SSBP2: variants seen among roughly 807,000 people sequenced by gnomAD.
The protein encoded by SSBP2 is single-stranded DNA-binding protein 2.
SSBP2 carries 17 observed loss-of-function variants against 61.8 expected under a neutral mutation model. That is an observed-to-expected ratio of 0.28 (90% CI 0.19 to 0.41). The LOEUF (loss-of-function observed/expected upper bound fraction) is 0.41, where lower values mean the gene tolerates loss of function less well. SSBP2 is among the 10% of genes least tolerant of loss of function. The pLI is 1.00. For missense variants in SSBP2, 310 were observed against 458.7 expected (o/e 0.68, Z 2.96); for synonymous variants, 139 against 141.3 (o/e 0.98, Z 0.12).
At chr5:81,518,853 TGGA>T (rs1356913547) in intron 4 of SSBP2, among the ~76,000 whole-genome samples, 2 of 152,160 alleles carry the variant, frequency 1.3e-5, no homozygotes, top group Non-Finnish European at 1.5e-5. Flanking sequence ...TTTTCATTTT[TGGA>T]GTAGTATTAT....
chr5:81,685,031 G>A (rs899016534), intron 1 of SSBP2, among the ~76,000 whole-genome samples: 1 of 152,024 alleles, frequency 6.6e-6, no homozygotes, highest in African/African-American at 2.4e-5. Flanking sequence ...TCTTGTGATA[G>A]TGAGTTCTCA....
chr5:81,667,636 C>T (rs1450850650), intron 1 of SSBP2, among the ~76,000 whole-genome samples: 1 of 151,922 alleles, frequency 6.6e-6, no homozygotes, highest in Non-Finnish European at 1.5e-5. Flanking sequence ...AGTATCATTA[C>T]TGTAAAGATA....
chr5:81,511,728 A>G (rs1768625201), intron 5 of SSBP2, among the ~76,000 whole-genome samples: 1 of 152,196 alleles, frequency 6.6e-6, no homozygotes, highest in Admixed American at 6.5e-5. Context: ...GTTACAACAC[A>G]TATTTCACTG....
chr5:81,566,587 C>CA (rs1387298627), intron 4 of SSBP2, among the ~76,000 whole-genome samples: 1 of 152,116 alleles, frequency 6.6e-6, no homozygotes, highest in African/African-American at 2.4e-5. Context: ...TTATCAGCAG[C>CA]ATGAAAACTA....
At chr5:81,652,205 C>G (rs1279826023) in intron 1 of SSBP2, among the ~76,000 whole-genome samples, 38 of 152,160 alleles carry the variant, frequency 2.5e-4, no homozygotes, top group Admixed American at 2.3e-3. Context: ...GGCCAGGGTA[C>G]ATCTGTGGCT....
intron 2 of SSBP2, among the ~76,000 whole-genome samples, chr5:81,649,286 A>G (rs1581249127): frequency 6.6e-6 from 1 of 152,262 alleles, no homozygotes; most frequent in Middle Eastern, 3.4e-3. Flanking sequence ...TGCCTGGCAC[A>G]TAACAGAGCT....
At chr5:81,585,425 A>G (rs1206777088) in intron 4 of SSBP2, among the ~76,000 whole-genome samples, 1 of 152,112 alleles carries the variant, frequency 6.6e-6, no homozygotes, top group East Asian at 1.9e-4. Context: ...CTAAAATTTC[A>G]TTTGCAAATC....
chr5:81,556,389 C>G (rs1561536366), intron 4 of SSBP2, among the ~76,000 whole-genome samples: 1 of 152,090 alleles, frequency 6.6e-6, no homozygotes, highest in Non-Finnish European at 1.5e-5. Context: ...GAAGGAGTCT[C>G]TTCCCTCTCC....
chr5:81,638,478 C>G (rs559240644), intron 2 of SSBP2, among the ~76,000 whole-genome samples: 2 of 151,568 alleles, frequency 1.3e-5, no homozygotes, highest in East Asian at 3.9e-4. Context: ...AGCTAAGATC[C>G]CACCACTGCA....
intron 1 of SSBP2, among the ~76,000 whole-genome samples, chr5:81,673,041 T>C (rs999488091): frequency 2.0e-5 from 3 of 152,172 alleles, no homozygotes; most frequent in Admixed American, 1.3e-4. Flanking sequence ...TTTTGCCATG[T>C]TGGCCAGGCT....
Position 81,416,061 on chromosome 5 carries a change from A to G in SSBP2, c.*4443T>C, listed in dbSNP as rs13175180. 3 of 151,674 alleles carry G rather than the reference A, an allele frequency of 2.0e-5. No homozygotes were observed. The highest frequency in any genetic ancestry group is 7.3e-5 in the African/African-American group (3 of 41,198). 9.4% of individuals were successfully genotyped at this position (151,674 alleles called of 1,614,324 possible). ...AACATGGTGAAACCCTGCCTCTACT[A>G]AAAATACAAAAATTAGCCTGTGACG... On this transcript the variant is annotated 3_prime_UTR_variant, in exon 17 of 17. Transcript: ENST00000320672.
Position 81,448,851 on chromosome 5 carries a change from T to G in SSBP2, c.688-26A>C, listed in dbSNP as rs764266564. The G allele has an allele frequency of 1.2e-5, 20 of 1,601,230 alleles. No individual in the cohort carries two copies. The Admixed American group carries it at 3.4e-4, about 27-fold the overall frequency. On this transcript the variant is annotated intron_variant, in intron 10 of 16. Transcript: ENST00000320672. Reference sequence around the variant, plus strand: ...CTGGAACACGAATAGGACAAAAAAATTTTTGATTCATGTAGCAATATGGAC... The same window carrying G: ...CTGGAACACGAATAGGACAAAAAAAGTTTTGATTCATGTAGCAATATGGAC...
chr5:81,505,631 C>T (rs1264710394), intron 5 of SSBP2, among the ~76,000 whole-genome samples: 3 of 151,982 alleles, frequency 2.0e-5, no homozygotes, highest in Non-Finnish European at 2.9e-5. Context: ...CTACAGCACT[C>T]GGAAGAATTT....
intron 1 of SSBP2, among the ~76,000 whole-genome samples, chr5:81,675,092 A>G (rs1306003241): frequency 3.9e-5 from 6 of 152,176 alleles, no homozygotes; most frequent in Non-Finnish European, 8.8e-5. Flanking sequence ...AAAAGCACAG[A>G]GCCTTAATAA....
chr5:81,573,007 A>C (rs1446760324), intron 4 of SSBP2, among the ~76,000 whole-genome samples: 9 of 152,204 alleles, frequency 5.9e-5, no homozygotes, highest in Non-Finnish European at 7.3e-5. Flanking sequence ...TAATATGGTT[A>C]CTTTAAAAAG....
At chr5:81,607,411 T>C (rs1395637461) in intron 4 of SSBP2, among the ~76,000 whole-genome samples, 1 of 152,158 alleles carries the variant, frequency 6.6e-6, no homozygotes, top group Non-Finnish European at 1.5e-5. Context: ...AAATATTTAT[T>C]GAGTGCCAAT....
intron 4 of SSBP2, among the ~76,000 whole-genome samples, chr5:81,572,422 C>T (rs193069338): frequency 6.6e-6 from 1 of 152,036 alleles, no homozygotes; most frequent in East Asian, 1.9e-4. Flanking sequence ...AAAGGCATGC[C>T]AAAAAACATT....
chr5:81,664,023 T>C (rs1050130205), intron 1 of SSBP2, among the ~76,000 whole-genome samples: 4 of 152,192 alleles, frequency 2.6e-5, no homozygotes, highest in Admixed American at 6.5e-5. Context: ...CTTCCAAAAA[T>C]GGCTCTTCCT....
upstream of SSBP2, chr5:81,751,287 C>G: frequency 1.8e-6 from 1 of 566,942 alleles, no homozygotes; most frequent in South Asian, 2.1e-5. Flanking sequence ...TCCCTCCCTC[C>G]CCGACTCCCT....
Sources: gnomAD v4.1 joint callset for allele counts (sites outside exome capture counted in the v4.1 genomes callset) on GRCh38, gnomAD v4.1.1 for gene constraint, MANE v1.5 for transcripts, NCBI Gene and HGNC (gene_info 2026-07-23, HGNC 2026-07-21) for gene names.